The following GRID2 variants were observed in gnomAD, a reference collection of about 807,000 sequenced individuals.
The protein encoded by GRID2 is glutamate receptor ionotropic, delta-2.
In GRID2, 33 loss-of-function variants were observed where a neutral mutation model predicts 114.8. That is an observed-to-expected ratio of 0.29 (90% CI 0.22 to 0.38). The LOEUF is 0.38. Ranked by LOEUF, GRID2 falls within the 10% of genes least tolerant of loss-of-function variation. GRID2 has a pLI of 1.00. For synonymous variants in GRID2, 505 were observed against 449.9 expected (o/e 1.12, Z -1.55); for missense variants, 1,184 against 1,257.7 (o/e 0.94, Z 0.89).
chr4:93,217,593 G>A (rs1744384183), intron 6 of GRID2, among the ~76,000 whole-genome samples: 1 of 151,440 alleles, frequency 6.6e-6, no homozygotes, highest in Non-Finnish European at 1.5e-5. Context: ...ATCTCAATAT[G>A]TCAATCTGAA....
At position 92,779,512 on chromosome 4, in the gene GRID2, A is replaced by G. The variant is rs1429269210; in HGVS notation, c.244+189226A>G. 2.6e-5 allele frequency among the ~76,000 whole-genome samples: 4 copies of G among 152,234 alleles called. No individual in the cohort carries two copies. In the South Asian group the frequency reaches 6.2e-4, roughly 24 times the overall value. On this transcript the variant is annotated intron_variant, in intron 2 of 15. Coordinates refer to ENST00000282020, the MANE Select transcript of GRID2 (RefSeq NM_001510.4). ...ATTCTCTCGCACACCAAATAAAGCT[A>G]GAAGTGAGCATTCCTAAATTTACAA...
At chr4:92,841,512 G>A (rs984619278) in intron 2 of GRID2, among the ~76,000 whole-genome samples, 2 of 151,862 alleles carry the variant, frequency 1.3e-5, no homozygotes, top group African/African-American at 4.8e-5. Context: ...TCCATATTTA[G>A]ATGATGATTA....
chr4:93,265,449 C>T (rs1750717536), intron 8 of GRID2, among the ~76,000 whole-genome samples: 2 of 152,050 alleles, frequency 1.3e-5, no homozygotes, highest in Admixed American at 1.3e-4. Context: ...ATAGTAAATC[C>T]TTACTTAAGG....
At chr4:93,710,357 G>T (rs1416785593) in intron 14 of GRID2, among the ~76,000 whole-genome samples, 1 of 152,206 alleles carries the variant, frequency 6.6e-6, no homozygotes, top group Non-Finnish European at 1.5e-5. Context: ...GTGGCCTTGG[G>T]TAAGATCCAG....
chr4:92,355,102 T>C (rs532776975), intron 1 of GRID2, among the ~76,000 whole-genome samples: 4 of 152,050 alleles, frequency 2.6e-5, no homozygotes, highest in South Asian at 2.1e-4. Context: ...ATCATCAATA[T>C]ATGATGCTGT....
chr4:92,584,845 T>G (rs1238973851), intron 1 of GRID2, among the ~76,000 whole-genome samples: 1 of 152,032 alleles, frequency 6.6e-6, no homozygotes, highest in Non-Finnish European at 1.5e-5. Context: ...AACCTCCTAC[T>G]CTACATCTTG....
In GRID2 at chr4:92,655,430, T is replaced by G. The variant is rs552622261; in HGVS notation, c.244+65144T>G. ...CTTTGTTTTTATGAAAAATAACTTT[T>G]GTGTTTTGACAAGGATTGGATTGGA... On this transcript the variant is annotated intron_variant, in intron 2 of 15. Coordinates refer to ENST00000282020, the MANE Select transcript of GRID2 (RefSeq NM_001510.4). 2.6e-5 allele frequency among the ~76,000 whole-genome samples: 4 copies of G among 152,006 alleles called. No homozygotes were observed. The East Asian group carries it at 5.8e-4, about 22-fold the overall frequency.
chr4:92,566,587 T>C (rs1466232573), intron 1 of GRID2, among the ~76,000 whole-genome samples: 1 of 151,994 alleles, frequency 6.6e-6, no homozygotes, highest in East Asian at 1.9e-4. Flanking sequence ...CTATGCTCCT[T>C]ACTGTACACT....
intron 1 of GRID2, among the ~76,000 whole-genome samples, chr4:92,533,804 G>A (rs1277916937): frequency 1.3e-5 from 2 of 151,982 alleles, no homozygotes; most frequent in East Asian, 3.9e-4. Flanking sequence ...GAAGTACTTT[G>A]TCCTTGACAA....
intron 8 of GRID2, among the ~76,000 whole-genome samples, chr4:93,270,369 A>G (rs1057243710): frequency 7.2e-5 from 11 of 152,168 alleles, no homozygotes; most frequent in Admixed American, 2.0e-4. Flanking sequence ...ATAAAATTCT[A>G]AAATGAAAAA....
chr4:92,447,953 G>C (rs1182342381), intron 1 of GRID2, among the ~76,000 whole-genome samples: 1 of 152,116 alleles, frequency 6.6e-6, no homozygotes, highest in Non-Finnish European at 1.5e-5. Context: ...TTGCTGACTA[G>C]CTGAAGTGCT....
chr4:93,647,018 G>A (rs1328203761), intron 14 of GRID2, among the ~76,000 whole-genome samples: 2 of 152,178 alleles, frequency 1.3e-5, no homozygotes, highest in East Asian at 1.9e-4. Flanking sequence ...GTATAAATGT[G>A]AAATTCAGGA....
At chr4:93,425,193 A>G (rs1768719750) in intron 10 of GRID2, among the ~76,000 whole-genome samples, 1 of 152,122 alleles carries the variant, frequency 6.6e-6, no homozygotes, top group African/African-American at 2.4e-5. Flanking sequence ...TTCTGGTTAC[A>G]TTTGATTATA....
At chr4:92,959,710 A>G (rs777527500) in intron 2 of GRID2, among the ~76,000 whole-genome samples, 1 of 152,114 alleles carries the variant, frequency 6.6e-6, no homozygotes, top group Admixed American at 6.6e-5. Context: ...TTGCAGGGAC[A>G]TGGATGAAGC....
At chr4:92,844,266 G>A (rs1743127803) in intron 2 of GRID2, among the ~76,000 whole-genome samples, 1 of 151,944 alleles carries the variant, frequency 6.6e-6, no homozygotes, top group Non-Finnish European at 1.5e-5. Flanking sequence ...TAGGCCAGGT[G>A]CGGTGGCTCA....
At chr4:92,507,262 C>G (rs1340753758) in intron 1 of GRID2, among the ~76,000 whole-genome samples, 1 of 151,864 alleles carries the variant, frequency 6.6e-6, no homozygotes, top group Non-Finnish European at 1.5e-5. Context: ...AGGGATATTT[C>G]TTTGAAACTA....
intron 1 of GRID2, among the ~76,000 whole-genome samples, chr4:92,585,140 G>A (rs1251432345): frequency 6.6e-6 from 1 of 151,926 alleles, no homozygotes; most frequent in Non-Finnish European, 1.5e-5. Flanking sequence ...AGATTGGTTT[G>A]ATGAATAGAT....
At chr4:92,558,165 T>C (rs1726948075) in intron 1 of GRID2, among the ~76,000 whole-genome samples, 1 of 152,110 alleles carries the variant, frequency 6.6e-6, no homozygotes, top group African/African-American at 2.4e-5. Flanking sequence ...AACCTCATCA[T>C]TTTTACAATG....
At chr4:92,310,094 T>G (rs1725619128) in intron 1 of GRID2, among the ~76,000 whole-genome samples, 1 of 152,044 alleles carries the variant, frequency 6.6e-6, no homozygotes, top group South Asian at 2.1e-4. Context: ...AATTTTTGCC[T>G]GGTTAATTGT....
Sources: gnomAD v4.1 joint callset for allele counts (sites outside exome capture counted in the v4.1 genomes callset) on GRCh38, gnomAD v4.1.1 for gene constraint, MANE v1.5 for transcripts, NCBI Gene and HGNC (gene_info 2026-07-23, HGNC 2026-07-21) for gene names.